LRRN4: variants seen among roughly 807,000 people sequenced by gnomAD.
The protein encoded by LRRN4 is leucine rich repeat neuronal 4, also known as leucine-rich repeat neuronal protein 4.
Under a neutral mutation model 22.3 loss-of-function variants are expected in LRRN4, and 26 were observed. The observed-to-expected ratio is 1.16, with a 90% CI of 0.85 to 1.62. The LOEUF is 1.62. LRRN4 is among the 40% of genes most tolerant of loss of function. The pLI, the probability that LRRN4 is intolerant of heterozygous loss-of-function variation, is 0.00. For missense variants in LRRN4, 1,070 were observed against 1,008.5 expected (o/e 1.06, Z -0.83); for synonymous variants, 496 against 486.2 (o/e 1.02, Z -0.26).
At chr20:6,047,158 C>A (rs940206174) in intron 3 of LRRN4, among the ~76,000 whole-genome samples, 12 of 152,048 alleles carry the variant, frequency 7.9e-5, no homozygotes, top group African/African-American at 2.7e-4. Flanking sequence ...GTGATGAAGT[C>A]CCACATGCTG....
intron 2 of LRRN4, 108 bp from the exon 3 acceptor site, chr20:6,051,091 C>G (rs1981232950): frequency 1.1e-6 from 1 of 914,428 alleles, no homozygotes. Flanking sequence ...TGAAGGTCAT[C>G]GCTGAGCACG....
In LRRN4 at chr20:6,041,638, T is replaced by TCCTTCCTC; in HGVS notation, c.1599_1606dup (p.Glu536GlyfsTer56). The TCCTTCCTC allele has an allele frequency of 6.2e-7, 1 of 1,602,622 alleles. No individual in the cohort carries two copies. The highest frequency in any genetic ancestry group is 8.5e-7 in the Non-Finnish European group (1 of 1,173,566). Reference sequence around the variant, plus strand: ...GTCCTGGTGAGGCGTTCCCACCTCCTCCTTCCTCCCTTCCTCCTCCTCACT... The same window carrying TCCTTCCTC: ...GTCCTGGTGAGGCGTTCCCACCTCCTCCTTCCTCCCTTCCTCCCTTCCTCCTCCTCACT... On this transcript the variant is annotated frameshift_variant, in exon 5 of 5. Coordinates refer to ENST00000378858, the MANE Select transcript of LRRN4 (RefSeq NM_152611.5). LOFTEE classifies it low-confidence loss of function (END_TRUNC). This position sits in a 1 kb window ranked among gnomAD's most constrained non-coding sequence, Gnocchi z 9.4.
intron 2 of LRRN4, among the ~76,000 whole-genome samples, chr20:6,051,311 C>T (rs1488328853): frequency 6.6e-6 from 1 of 152,238 alleles, no homozygotes; most frequent in African/African-American, 2.4e-5. Context: ...TCCACCTTCT[C>T]ATTAAAGTCC....
intron 3 of LRRN4, among the ~76,000 whole-genome samples, chr20:6,048,702 C>T (rs575228750): frequency 2.6e-5 from 4 of 152,248 alleles, no homozygotes; most frequent in Non-Finnish European, 4.4e-5. Context: ...GAACATTTCC[C>T]CTGGATGCCT....
At chr20:6,045,152 G>C (rs1482514451) in intron 3 of LRRN4, among the ~76,000 whole-genome samples, 1 of 148,712 alleles carries the variant, frequency 6.7e-6, no homozygotes, top group Non-Finnish European at 1.5e-5. Context: ...AAAAGAATGT[G>C]TGTTGGCTGG....
chr20:6,044,989 G>T (rs977154759), intron 3 of LRRN4, among the ~76,000 whole-genome samples: 2 of 152,050 alleles, frequency 1.3e-5, no homozygotes, highest in African/African-American at 4.8e-5. Flanking sequence ...CAGTATTTTT[G>T]TGTGTGTGTG....
intron 4 of LRRN4, 122 bp from the exon 5 acceptor site, chr20:6,042,368 C>T (rs1271899785): frequency 4.5e-6 from 5 of 1,117,832 alleles, no homozygotes; most frequent in African/African-American, 1.6e-5. Flanking sequence ...CTGCCAGGCA[C>T]CCCAGGGCAC....
intron 4 of LRRN4, 85 bp from the exon 5 acceptor site, chr20:6,042,331 C>T (rs1241276619): frequency 6.9e-7 from 1 of 1,450,296 alleles, no homozygotes. Flanking sequence ...GCCGACGTCA[C>T]CCCCTGCCAA....
intron 1 of LRRN4, among the ~76,000 whole-genome samples, chr20:6,053,541 A>T (rs1049188547): frequency 1.3e-5 from 2 of 152,154 alleles, no homozygotes; most frequent in Non-Finnish European, 2.9e-5. Flanking sequence ...AGGGTTGCAC[A>T]GGTCAGCTAG....
chr20:6,045,091 A>G (rs1981072472), intron 3 of LRRN4, among the ~76,000 whole-genome samples: 1 of 148,338 alleles, frequency 6.7e-6, no homozygotes, highest in Non-Finnish European at 1.5e-5. Context: ...CTTTACTTAC[A>G]TTGTCTCATA....
Position 6,041,340 on chromosome 20 carries a change from C to A in LRRN4, c.1905G>T (p.Gln635His). 6.3e-7 allele frequency: 1 copy of A among 1,597,454 alleles called. No homozygotes were observed. Among genetic ancestry groups the A allele is most frequent in the Non-Finnish European group, 8.5e-7 (1 of 1,175,424 alleles). Residue 635 changes from glutamine to histidine, a missense_variant, in exon 5 of 5, where the codon CAG (glutamine) becomes CAT (histidine). By Grantham distance (24) the Gln-to-His change is conservative. Coordinates refer to ENST00000378858, the MANE Select transcript of LRRN4 (RefSeq NM_152611.5). This position sits in a 1 kb window ranked among gnomAD's most constrained non-coding sequence, Gnocchi z 9.4. Reference protein sequence around the residue: ...VVGVIYATARQHPLYGLSPGT... With the variant: ...VVGVIYATARHHPLYGLSPGT... ...CCGGCGACAGCCCGTACAGAGGGTGCTGCCGGGCCGTGGCGTAGATGACCC... is the reference window on the plus strand; with the variant it reads ...CCGGCGACAGCCCGTACAGAGGGTGATGCCGGGCCGTGGCGTAGATGACCC...
intron 3 of LRRN4, among the ~76,000 whole-genome samples, chr20:6,047,789 C>CA (rs11333545): frequency 0.019 from 2,694 of 139,576 alleles, 77 homozygotes; most frequent in African/African-American, 0.062. Flanking sequence ...GACTCCATCT[C>CA]AAAAAAAAAA....
chr20:6,047,412 A>G (rs1981125418), intron 3 of LRRN4, among the ~76,000 whole-genome samples: 1 of 144,040 alleles, frequency 6.9e-6, no homozygotes. Context: ...GGTGTTAAAG[A>G]AGCAGACACA....
At chr20:6,050,679 G>A in intron 3 of LRRN4, 100 bp downstream of exon 3, 1 of 1,163,352 alleles carries the variant, frequency 8.6e-7, no homozygotes, top group Admixed American at 1.8e-5. Flanking sequence ...TGGAAGAGTA[G>A]TGGGAGAAAA....
In LRRN4 at chr20:6,041,218, G is replaced by A; in HGVS notation, c.2027C>T (p.Thr676Ile). Residue 676 changes from threonine to isoleucine, a missense_variant, in exon 5 of 5, where the codon ACC (threonine) becomes ATC (isoleucine). Thr to Ile is a moderately conservative substitution (Grantham distance 89). Coordinates refer to ENST00000378858, the MANE Select transcript of LRRN4 (RefSeq NM_152611.5). The surrounding 1 kb of genome is among the most constrained non-coding windows in gnomAD (Gnocchi z 9.4). ...GWRSPCAAFT[T>I]KPSFALLLSG... The stretch of plus-strand genomic sequence containing the variant: ...GAGCAGGAGCGCGAAGCTGGGCTTG[G>A]TGGTGAAGGCGGCGCACGGGCTCCT... 6.3e-7 allele frequency: 1 copy of A among 1,587,402 alleles called. No homozygotes were observed. The highest frequency in any genetic ancestry group is 8.6e-7 in the Non-Finnish European group (1 of 1,165,172).
intron 4 of LRRN4, among the ~76,000 whole-genome samples, chr20:6,043,377 T>C (rs1981018672): frequency 6.6e-6 from 1 of 152,208 alleles, no homozygotes; most frequent in Non-Finnish European, 1.5e-5. Context: ...ATCATGCCAC[T>C]GCACTCCAGC....
At position 6,044,681 on chromosome 20, in the gene LRRN4, C is replaced by T; in HGVS notation, c.861-1G>A. 2 of 1,529,914 alleles carry T rather than the reference C, an allele frequency of 1.3e-6. No individual in the cohort carries two copies. The highest frequency in any genetic ancestry group is 1.3e-5 in the South Asian group (1 of 76,692). 94.8% of individuals were successfully genotyped at this position (1,529,914 alleles called of 1,614,324 possible). ...AGGAGGGAAGGAACTCAAGTTGCAG[C>T]TGAAATACAAACAAAAAAATTAATT... is the stretch of plus-strand genomic sequence containing the variant. On this transcript the variant is annotated splice_acceptor_variant, in intron 3 of 4. Transcript: ENST00000378858. LOFTEE classifies it high-confidence loss of function.
chr20:6,050,438 G>A (rs1981215757), intron 3 of LRRN4, among the ~76,000 whole-genome samples: 1 of 152,200 alleles, frequency 6.6e-6, no homozygotes, highest in Non-Finnish European at 1.5e-5. Flanking sequence ...CATGACATGT[G>A]GGGAAGAAAG....
chr20:6,050,534 A>G (rs1487014492), intron 3 of LRRN4, among the ~76,000 whole-genome samples: 1 of 152,188 alleles, frequency 6.6e-6, no homozygotes, highest in Non-Finnish European at 1.5e-5. Context: ...TAAACTTTAA[A>G]GGCATAGGAG....
Sources: allele counts gnomAD v4.1 joint callset (sites outside exome capture counted in the v4.1 genomes callset), GRCh38; gene constraint gnomAD v4.1.1; non-coding constraint Gnocchi (gnomAD v3.1); transcripts MANE v1.5; gene names NCBI Gene and HGNC (gene_info 2026-07-23, HGNC 2026-07-21).